Variants in NCAM1 observed in about 807,000 individuals in gnomAD.
NCAM1 encodes neural cell adhesion molecule 1.
Under a neutral mutation model 109.8 loss-of-function variants are expected in NCAM1, and 14 were observed. The observed-to-expected ratio is 0.13, with a 90% confidence interval of 0.08 to 0.20. NCAM1 has a LOEUF of 0.20. Among genes scored for constraint, NCAM1 ranks in the 10% least tolerant of loss-of-function variants. The pLI is 1.00. For synonymous variants in NCAM1, 418 were observed against 442.9 expected (o/e 0.94, Z 0.70); for missense variants, 774 against 1,109.9 (o/e 0.70, Z 4.30).
At chr11:113,007,330 G>A (rs1555073485) in intron 1 of NCAM1, among the ~76,000 whole-genome samples, 1 of 152,112 alleles carries the variant, frequency 6.6e-6, no homozygotes, top group African/African-American at 2.4e-5. Context: ...AAAGTGCTGG[G>A]ATTACAGGTC....
chr11:113,055,170 C>A (rs1953649187), intron 1 of NCAM1, among the ~76,000 whole-genome samples: 1 of 152,198 alleles, frequency 6.6e-6, no homozygotes, highest in Admixed American at 6.5e-5. Context: ...GAACACCTTT[C>A]ACTTTTCAAA....
At chr11:113,171,375 T>C (rs1555106211) in intron 1 of NCAM1, among the ~76,000 whole-genome samples, 1 of 152,164 alleles carries the variant, frequency 6.6e-6, no homozygotes, top group Non-Finnish European at 1.5e-5. Context: ...CTCACACCTG[T>C]AATCCCAGCA....
intron 9 of NCAM1, among the ~76,000 whole-genome samples, chr11:113,230,048 GT>G (rs1186590861): frequency 2.6e-5 from 4 of 151,670 alleles, no homozygotes; most frequent in Middle Eastern, 3.4e-3. Context: ...AAACCTGCAC[GT>G]TGTGCACATG....
At chr11:113,070,194 A>C (rs1324962086) in intron 1 of NCAM1, among the ~76,000 whole-genome samples, 3 of 152,076 alleles carry the variant, frequency 2.0e-5, no homozygotes, top group Non-Finnish European at 4.4e-5. Flanking sequence ...TTGGGTGCTG[A>C]ATGACGTGAT....
At chr11:112,993,056 T>G (rs1485743949) in intron 1 of NCAM1, among the ~76,000 whole-genome samples, 1 of 152,200 alleles carries the variant, frequency 6.6e-6, no homozygotes, top group Non-Finnish European at 1.5e-5. Flanking sequence ...TTGGTTAAAT[T>G]CTTAACTTTA....
In NCAM1 at chr11:113,093,418, G is replaced by A. The variant is rs1939449766; in HGVS notation, c.53-108961G>A. ...GCTGTTGCATTGCACCAATTGGAAT[G>A]GGAGACTTTTTTTTTCATTTTATTC... On this transcript the variant is annotated intron_variant, in intron 1 of 19. Coordinates refer to ENST00000316851, the MANE Select transcript of NCAM1 (RefSeq NM_181351.5). Among the ~76,000 whole-genome samples, 4 of 152,052 alleles carry A rather than the reference G, an allele frequency of 2.6e-5. No individual in the cohort carries two copies. In the South Asian group the frequency reaches 8.3e-4, roughly 32 times the overall value.
At chr11:113,118,191 A>C (rs918007078) in intron 1 of NCAM1, among the ~76,000 whole-genome samples, 1 of 151,722 alleles carries the variant, frequency 6.6e-6, no homozygotes, top group Non-Finnish European at 1.5e-5. Context: ...GGTACTTAGA[A>C]TCTAAAAATA....
intron 1 of NCAM1, among the ~76,000 whole-genome samples, chr11:113,158,685 G>T (rs564568059): frequency 2.6e-5 from 4 of 152,250 alleles, no homozygotes; most frequent in African/African-American, 7.2e-5. Flanking sequence ...TCACCCAGGG[G>T]CACAGCTCAG....
intron 1 of NCAM1, among the ~76,000 whole-genome samples, chr11:113,177,331 T>C (rs1943187368): frequency 6.6e-6 from 1 of 152,176 alleles, no homozygotes; most frequent in South Asian, 2.1e-4. Context: ...TCCTACCTTA[T>C]GTGGGCTGAA....
intron 1 of NCAM1, among the ~76,000 whole-genome samples, chr11:113,056,919 C>T (rs1360908570): frequency 1.3e-5 from 2 of 152,168 alleles, no homozygotes; most frequent in Admixed American, 1.3e-4. Flanking sequence ...TCCCCTGAGA[C>T]TTACATTCAT....
chr11:113,192,585 C>T (rs1555110069), intron 1 of NCAM1, among the ~76,000 whole-genome samples: 2 of 152,176 alleles, frequency 1.3e-5, no homozygotes, highest in Non-Finnish European at 2.9e-5. Context: ...TATTCTCTCC[C>T]TTTAATGAGA....
At chr11:113,068,238 T>G (rs950643164) in intron 1 of NCAM1, among the ~76,000 whole-genome samples, 1 of 152,164 alleles carries the variant, frequency 6.6e-6, no homozygotes, top group African/African-American at 2.4e-5. Flanking sequence ...AAGACTTGCC[T>G]GAACATGGGC....
intron 1 of NCAM1, among the ~76,000 whole-genome samples, chr11:113,120,999 C>T (rs1314215907): frequency 1.3e-5 from 2 of 152,048 alleles, no homozygotes; most frequent in Admixed American, 1.3e-4. Context: ...GTCTCTTCCT[C>T]TGTGATATGA....
At chr11:113,261,158 G>A (rs1224627311) in intron 17 of NCAM1, among the ~76,000 whole-genome samples, 1 of 152,136 alleles carries the variant, frequency 6.6e-6, no homozygotes, top group Admixed American at 6.5e-5. Flanking sequence ...ACCCTGCCAT[G>A]TTCAAGTGTG....
intron 1 of NCAM1, among the ~76,000 whole-genome samples, chr11:113,139,865 T>C (rs996709906): frequency 2.0e-5 from 3 of 152,210 alleles, no homozygotes; most frequent in African/African-American, 7.2e-5. Flanking sequence ...GAATATTCAA[T>C]TAAAAACTTG....
At chr11:113,174,551 T>G (rs1943090607) in intron 1 of NCAM1, among the ~76,000 whole-genome samples, 1 of 152,252 alleles carries the variant, frequency 6.6e-6, no homozygotes, top group Non-Finnish European at 1.5e-5. Context: ...CTAGTCATTT[T>G]GCACGTTGGT....
chr11:113,014,780 C>T (rs1472481409), intron 1 of NCAM1, among the ~76,000 whole-genome samples: 1 of 152,228 alleles, frequency 6.6e-6, no homozygotes, highest in Non-Finnish European at 1.5e-5. Context: ...CAGGCTAGCA[C>T]ACAGCTGAGA....
At chr11:113,193,231 T>C (rs1475757802) in intron 1 of NCAM1, among the ~76,000 whole-genome samples, 4 of 152,214 alleles carry the variant, frequency 2.6e-5, no homozygotes, top group African/African-American at 9.6e-5. Context: ...ATCATCAAGT[T>C]AGGCGGGAGT....
Position 113,227,965 on chromosome 11 carries a change from C to T in NCAM1, c.1090-3680C>T, listed in dbSNP as rs187253078. 3.9e-5 allele frequency among the ~76,000 whole-genome samples: 6 copies of T among 152,310 alleles called. No individual in the cohort carries two copies. In the East Asian group the frequency reaches 7.7e-4, roughly 20 times the overall value. The stretch of plus-strand genomic sequence containing the variant: ...ATGGGAGCTATTTATGACAAACCCA[C>T]AGCCAATATCATACTGAATGGGCAA... On this transcript the variant is annotated intron_variant, in intron 9 of 19. Coordinates refer to ENST00000316851, the MANE Select transcript of NCAM1 (RefSeq NM_181351.5).
Sources: gnomAD v4.1 joint callset for allele counts (sites outside exome capture counted in the v4.1 genomes callset) on GRCh38, gnomAD v4.1.1 for gene constraint, MANE v1.5 for transcripts, NCBI Gene and HGNC (gene_info 2026-07-23, HGNC 2026-07-21) for gene names.